The following SP7 variants were observed in gnomAD, a reference collection of about 807,000 sequenced individuals.
The protein encoded by SP7 is transcription factor Sp7.
SP7 carries 13 observed loss-of-function variants against 27.9 expected under a neutral mutation model. The ratio of observed to expected loss-of-function variants is 0.47; its 90% CI spans 0.30 to 0.74. The LOEUF is 0.74. SP7 is among the 30% of genes least tolerant of loss of function. SP7 has a pLI of 0.06. For synonymous variants in SP7, 219 were observed against 226.7 expected, an observed-to-expected ratio of 0.97 and a Z score of 0.31; for missense variants, 525 against 558.0, an observed-to-expected ratio of 0.94 and a Z score of 0.60.
chr12:53,342,006 C>T (rs537759227), intron 1 of SP7, among the ~76,000 whole-genome samples: 1 of 151,454 alleles, frequency 6.6e-6, no homozygotes, highest in South Asian at 2.1e-4. Context: ...TGCAGTGAGC[C>T]GAGATCGCGC....
chr12:53,329,287 C>T lies in SP7; in HGVS notation c.155G>A (p.Ser52Asn). Reference sequence around the variant, plus strand: ...CATGGTTTTGGAGGCTGAAAGGTCACTGCCCACAGAGTACGGCTTCTTTGT... The same window carrying T: ...CATGGTTTTGGAGGCTGAAAGGTCATTGCCCACAGAGTACGGCTTCTTTGT... Reference protein sequence around the residue: ...AGTKKPYSVGSDLSASKTMGD... With the variant: ...AGTKKPYSVGNDLSASKTMGD... Residue 52 changes from serine (S) to asparagine (N), a missense_variant, in exon 3 of 3, where the codon AGT becomes AAT. Coordinates refer to ENST00000536324, the MANE Select transcript of SP7 (RefSeq NM_001173467.3). 1 of 1,613,914 alleles carries T rather than the reference C, an allele frequency of 6.2e-7. No individual in the cohort carries two copies. Among genetic ancestry groups the T allele is most frequent in the Non-Finnish European group, 8.5e-7 (1 of 1,179,898 alleles).
At chr12:53,337,593 C>T (rs1054113655), upstream of SP7, among the ~76,000 whole-genome samples, 7 of 152,182 alleles carry the variant, frequency 4.6e-5, no homozygotes, top group African/African-American at 1.7e-4. Flanking sequence ...CTCTGCAACA[C>T]CATCCCCTCA....
chr12:53,335,938 T>A (rs1257790602), intron 1 of SP7, among the ~76,000 whole-genome samples: 1 of 149,792 alleles, frequency 6.7e-6, no homozygotes, highest in Non-Finnish European at 1.5e-5. Context: ...AAAGAAGGGA[T>A]CAGGGAGGGA....
chr12:53,334,331 TACACACACACACACACAC>T lies in SP7; in HGVS notation c.21+1277_21+1294del, dbSNP rs57611228. On this transcript the variant is annotated intron_variant, in intron 2 of 2. Coordinates refer to ENST00000536324, the MANE Select transcript of SP7 (RefSeq NM_001173467.3). ...CTCACAGCACTCAGATGGCCCAACTTACACACACACACACACACACACACACACACACACACACACACA... is the reference window on the plus strand; with the variant it reads ...CTCACAGCACTCAGATGGCCCAACTTACACACACACACACACACACACACA... Among the ~76,000 whole-genome samples, 97 of 139,616 alleles carry T rather than the reference TACACACACACACACACAC, an allele frequency of 6.9e-4. 1 individual carries two copies. In the East Asian group the frequency reaches 0.014, roughly 20 times the overall value. The allele number at this position is 139,616 out of a possible 152,430, so 91.6% of individuals were successfully genotyped here. A position where few individuals can be genotyped will look rare whatever the true frequency, so the allele number is the denominator to read the frequency against.
chr12:53,344,195 C>T lies in SP7; in HGVS notation c.-34+919G>A, dbSNP rs1944844323. ...GTGTGTTGATGTGTGCACTTGCACA[C>T]AGGATATGCAGGCATTTTAGAGGTA... is the stretch of plus-strand genomic sequence containing the variant. On this transcript the variant is annotated intron_variant, in intron 1 of 1. Transcript: ENST00000547755. The surrounding 1 kb of genome is among the most constrained non-coding windows in gnomAD (Gnocchi z 4.6). 6.6e-6 allele frequency among the ~76,000 whole-genome samples: 1 copy of T among 152,102 alleles called. No homozygotes were observed. Among genetic ancestry groups the T allele is most frequent in the Admixed American group, 6.5e-5 (1 of 15,274 alleles).
chr12:53,333,613 GT>G (rs1944731483), intron 2 of SP7, among the ~76,000 whole-genome samples: 1 of 152,218 alleles, frequency 6.6e-6, no homozygotes, highest in African/African-American at 2.4e-5. Flanking sequence ...AAGTTTCTTC[GT>G]TTTCCCAGCT....
chr12:53,340,467 T>A (rs779398543), upstream of SP7, among the ~76,000 whole-genome samples: 4 of 152,096 alleles, frequency 2.6e-5, no homozygotes, highest in African/African-American at 7.2e-5. Flanking sequence ...TTTGATCCAA[T>A]ACTCCACACA....
In SP7 at chr12:53,328,063, AAG is replaced by A; in HGVS notation, c.*81_*82del. On this transcript the variant is annotated 3_prime_UTR_variant, in exon 3 of 3. Transcript: ENST00000536324. This position sits in a 1 kb window ranked among gnomAD's most constrained non-coding sequence, Gnocchi z 5.1. ...CCCGAAGGATGGCATGCATGGGGTA[AAG>A]AGAGTGATTGGCAAGCAGTGGTCTA... is the stretch of plus-strand genomic sequence containing the variant. The A allele has an allele frequency of 7.3e-7, 1 of 1,373,636 alleles. No individual in the cohort carries two copies. The highest frequency in any genetic ancestry group is 1.4e-5 in the South Asian group (1 of 69,372). The allele number at this position is 1,373,636 out of a possible 1,614,324, so 85.1% of individuals were successfully genotyped here.
intron 1 of SP7, among the ~76,000 whole-genome samples, chr12:53,341,607 C>A (rs1944823137): frequency 6.6e-6 from 1 of 152,114 alleles, no homozygotes; most frequent in Non-Finnish European, 1.5e-5. Flanking sequence ...TCACATCATC[C>A]CTAGGAGTGA....
At position 53,328,307 on chromosome 12, in the gene SP7, G is replaced by A. The variant is rs960052673; in HGVS notation, c.1135C>T (p.Pro379Ser). 1 of 1,611,066 alleles carries A rather than the reference G, an allele frequency of 6.2e-7. No individual in the cohort carries two copies. The highest frequency in any genetic ancestry group is 8.5e-7 in the Non-Finnish European group (1 of 1,178,228). Residue 379 changes from proline to serine, a missense_variant, in exon 3 of 3, where the codon CCA (proline) becomes TCA (serine). Transcript: ENST00000536324. This position sits in a 1 kb window ranked among gnomAD's most constrained non-coding sequence, Gnocchi z 5.1. ...CCACTGGGAGGGGGACCCGGGCCTG[G>A]TTCTCCATGGGTGCGCTGGTGTTTG... ...LSKHQRTHGE[P>S]GPGPPPSGPK...
At chr12:53,340,546 A>T (rs1332230462), upstream of SP7, among the ~76,000 whole-genome samples, 1 of 151,224 alleles carries the variant, frequency 6.6e-6, no homozygotes, top group Non-Finnish European at 1.5e-5. Flanking sequence ...CAGCATCCCT[A>T]CCCCCACCCA....
chr12:53,340,465 A>G (rs879471965), upstream of SP7, among the ~76,000 whole-genome samples: 1 of 152,112 alleles, frequency 6.6e-6, no homozygotes, highest in Middle Eastern at 3.2e-3. Context: ...CTTTTGATCC[A>G]ATACTCCACA....
At chr12:53,334,678 A>G (rs533133560) in intron 2 of SP7, among the ~76,000 whole-genome samples, 1 of 152,338 alleles carries the variant, frequency 6.6e-6, no homozygotes, top group East Asian at 1.9e-4. Flanking sequence ...TGACAGAGGA[A>G]CAGTGTCAGA....
chr12:53,335,707 T>TA lies in SP7; in HGVS notation c.-47-15_-47-14insT. On this transcript the variant is annotated splice_polypyrimidine_tract_variant and intron_variant, in intron 1 of 2. Transcript: ENST00000536324. ...AGATGGAGAGAGCTGAGCCGGGGGG[T>TA]GGGGGGGGTAGAGAGAGAAAAGGGA... 4.3e-6 allele frequency: 1 copy of TA among 230,214 alleles called. No homozygotes were observed. Among genetic ancestry groups the TA allele is most frequent in the Non-Finnish European group, 6.2e-6 (1 of 162,342 alleles). The allele number at this position is 230,214 out of a possible 1,614,324, so 14.3% of individuals were successfully genotyped here. A position where few individuals can be genotyped will look rare whatever the true frequency, so the allele number is the denominator to read the frequency against.
rs532554295 is a variant in SP7, at chr12:53,328,693, C to A, written c.749G>T (p.Arg250Leu). ...ACCACTACCCCCAGTGCTTGCACCCCGTGGGGGTTTGGCTCCACCACTCCC... is the reference window on the plus strand; with the variant it reads ...ACCACTACCCCCAGTGCTTGCACCCAGTGGGGGTTTGGCTCCACCACTCCC... ...LEGSGGAKPP[R>L]GASTGGSGGY... Residue 250 changes from arginine (R) to leucine (L), a missense_variant, in exon 3 of 3, where the codon CGG becomes CTG. By Grantham distance (102) the Arg-to-Leu change is moderately radical. Coordinates refer to ENST00000536324, the MANE Select transcript of SP7 (RefSeq NM_001173467.3). The surrounding 1 kb of genome is among the most constrained non-coding windows in gnomAD (Gnocchi z 5.1). The A allele has an allele frequency of 1.2e-6, 2 of 1,606,458 alleles. No individual in the cohort carries two copies. Among genetic ancestry groups the A allele is most frequent in the East Asian group, 2.2e-5 (1 of 44,700 alleles).
chr12:53,341,402 AG>A (rs1237645382), intron 1 of SP7, among the ~76,000 whole-genome samples: 5 of 152,224 alleles, frequency 3.3e-5, no homozygotes, highest in African/African-American at 1.2e-4. Context: ...TGAAAGGAAG[AG>A]GAAGACTGGG....
chr12:53,341,856 C>T (rs531925929), intron 1 of SP7, among the ~76,000 whole-genome samples: 2 of 152,024 alleles, frequency 1.3e-5, no homozygotes, highest in South Asian at 2.1e-4. Context: ...GTCAGGAGAT[C>T]GAGACCATCC....
chr12:53,332,562 A>G (rs2136841179), intron 2 of SP7, among the ~76,000 whole-genome samples: 1 of 152,310 alleles, frequency 6.6e-6, no homozygotes, highest in East Asian at 1.9e-4. Flanking sequence ...TGGGCAACAC[A>G]GCAAGACCCT....
In SP7 at chr12:53,327,364, T is replaced by C. The variant is rs1259965367; in HGVS notation, c.*782A>G. The stretch of plus-strand genomic sequence containing the variant: ...TAGACATTCTATTAACAAGATCTTC[T>C]CCACTAACATTTTGTCTATACAGAG... On this transcript the variant is annotated 3_prime_UTR_variant, in exon 3 of 3. Coordinates refer to ENST00000536324, the MANE Select transcript of SP7 (RefSeq NM_001173467.3). The C allele has an allele frequency of 6.6e-6, 1 of 152,530 alleles. No individual in the cohort carries two copies. The highest frequency in any genetic ancestry group is 1.5e-5 in the Non-Finnish European group (1 of 68,032). 9.4% of individuals were successfully genotyped at this position (152,530 alleles called of 1,614,324 possible).
Sources: gnomAD v4.1 joint callset for allele counts (sites outside exome capture counted in the v4.1 genomes callset) on GRCh38, gnomAD v4.1.1 for gene constraint, Gnocchi (gnomAD v3.1) non-coding constraint, MANE v1.5 for transcripts, NCBI Gene and HGNC (gene_info 2026-07-23, HGNC 2026-07-21) for gene names.